SLC35F4: variants seen among roughly 807,000 people sequenced by gnomAD.
SLC35F4 encodes the protein chromosome 14 open reading frame 36.
Under a neutral mutation model 44.2 loss-of-function variants are expected in SLC35F4, and 24 were observed. The observed-to-expected ratio is 0.54, with a 90% CI of 0.39 to 0.76. The LOEUF (loss-of-function observed/expected upper bound fraction) is 0.76. Among genes scored for constraint, SLC35F4 ranks in the 30% least tolerant of loss-of-function variants. The pLI is 0.00. For missense variants in SLC35F4, 562 were observed against 586.1 expected, an observed-to-expected ratio of 0.96 and a Z score of 0.42; for synonymous variants, 238 against 223.6, an observed-to-expected ratio of 1.06 and a Z score of -0.57.
At chr14:57,728,304 A>G (rs1276507129) in intron 1 of SLC35F4, among the ~76,000 whole-genome samples, 2 of 152,214 alleles carry the variant, frequency 1.3e-5, no homozygotes, top group Admixed American at 6.5e-5. Context: ...CTTGTAGGCA[A>G]CAAAGCATTA....
intron 1 of SLC35F4, among the ~76,000 whole-genome samples, chr14:57,731,582 A>G (rs1394612866): frequency 1.3e-5 from 2 of 152,200 alleles, no homozygotes; most frequent in Non-Finnish European, 2.9e-5. Flanking sequence ...CAAGATTGTC[A>G]GGTAGTCAGT....
intron 6 of SLC35F4, among the ~76,000 whole-genome samples, chr14:57,568,549 G>A (rs2068319671): frequency 6.6e-6 from 1 of 152,172 alleles, no homozygotes; most frequent in Non-Finnish European, 1.5e-5. Context: ...TTTTGGCTTT[G>A]AAAAGTAGAA....
chr14:57,851,283 T>C (rs1886536819), intron 1 of SLC35F4, among the ~76,000 whole-genome samples: 1 of 152,192 alleles, frequency 6.6e-6, no homozygotes. Flanking sequence ...TATTATGAAA[T>C]TTAAAAATAG....
chr14:57,677,649 C>A (rs2074742328), intron 1 of SLC35F4, among the ~76,000 whole-genome samples: 1 of 151,782 alleles, frequency 6.6e-6, no homozygotes, highest in African/African-American at 2.4e-5. Flanking sequence ...TAAAAGGAAA[C>A]AAATGAGATG....
intron 1 of SLC35F4, among the ~76,000 whole-genome samples, chr14:57,780,590 T>G (rs1323783325): frequency 6.6e-6 from 1 of 152,108 alleles, no homozygotes; most frequent in Non-Finnish European, 1.5e-5. Context: ...AGAACTGTTT[T>G]AAAATTTCTA....
intron 1 of SLC35F4, among the ~76,000 whole-genome samples, chr14:57,623,464 T>C (rs951962372): frequency 3.9e-5 from 6 of 152,194 alleles, no homozygotes; most frequent in East Asian, 1.9e-4. Flanking sequence ...GCGGACCTAA[T>C]TGACATCTAG....
chr14:57,585,256 T>C (rs1228975570), intron 3 of SLC35F4, among the ~76,000 whole-genome samples: 2 of 152,124 alleles, frequency 1.3e-5, no homozygotes, highest in Admixed American at 6.5e-5. Context: ...ATTATCTCAA[T>C]AGATGCAGAA....
chr14:57,702,709 C>T (rs2075573209), intron 1 of SLC35F4, among the ~76,000 whole-genome samples: 1 of 152,120 alleles, frequency 6.6e-6, no homozygotes, highest in Admixed American at 6.6e-5. Context: ...ATTACAGCAC[C>T]AGCAGCACAC....
chr14:57,753,901 G>A (rs1364714468), intron 1 of SLC35F4, among the ~76,000 whole-genome samples: 1 of 151,962 alleles, frequency 6.6e-6, no homozygotes, highest in African/African-American at 2.4e-5. Context: ...CTATATGATT[G>A]GTGTCTGAGC....
intron 2 of SLC35F4, among the ~76,000 whole-genome samples, chr14:57,590,392 C>G (rs1398450763): frequency 6.6e-6 from 1 of 151,770 alleles, no homozygotes; most frequent in Non-Finnish European, 1.5e-5. Flanking sequence ...GACCCAGTCT[C>G]TAAAAAAAAT....
intron 1 of SLC35F4, among the ~76,000 whole-genome samples, chr14:57,726,938 C>T (rs751295562): frequency 1.2e-4 from 19 of 152,004 alleles, no homozygotes; most frequent in African/African-American, 4.3e-4. Flanking sequence ...CACAAAAAGG[C>T]TAGACTGGCC....
chr14:57,565,169 T>C lies in SLC35F4; in HGVS notation c.1217-793A>G, dbSNP rs553648823. Among the ~76,000 whole-genome samples the C allele has an allele frequency of 2.0e-5, 3 of 152,370 alleles. No homozygotes were observed. In the East Asian group the frequency reaches 5.8e-4, roughly 29 times the overall value. The stretch of plus-strand genomic sequence containing the variant: ...TTTAGGCTTCTCTACCTTTTTGCTA[T>C]TGTGAATAGGGCTACTATAAACATT... On this transcript the variant is annotated intron_variant, in intron 7 of 7. Coordinates refer to ENST00000556826, the MANE Select transcript of SLC35F4 (RefSeq NM_001306087.2).
At chr14:57,713,962 T>C (rs1211321169) in intron 1 of SLC35F4, among the ~76,000 whole-genome samples, 1 of 152,138 alleles carries the variant, frequency 6.6e-6, no homozygotes, top group Non-Finnish European at 1.5e-5. Flanking sequence ...AACCTACAAT[T>C]TCTAACCACA....
intron 1 of SLC35F4, among the ~76,000 whole-genome samples, chr14:57,715,545 G>A (rs1344070913): frequency 6.6e-6 from 1 of 152,160 alleles, no homozygotes; most frequent in Non-Finnish European, 1.5e-5. Context: ...GAAGGGAGGG[G>A]TCCTTGACAA....
chr14:57,951,626 T>G (rs935805010), intron 1 of SLC35F4, among the ~76,000 whole-genome samples: 1 of 152,128 alleles, frequency 6.6e-6, no homozygotes, highest in Admixed American at 6.5e-5. Flanking sequence ...TACTGAGGCT[T>G]GAATAGGCGG....
chr14:57,589,587 A>C, intron 2 of SLC35F4, 74 bp from the exon 3 acceptor site: 2 of 1,404,122 alleles, frequency 1.4e-6, no homozygotes, highest in South Asian at 3.0e-5. Flanking sequence ...CAGCTCCTTA[A>C]AAAAGATGGA....
chr14:57,978,069 G>A (rs1237530481), intron 1 of SLC35F4, among the ~76,000 whole-genome samples: 4 of 152,118 alleles, frequency 2.6e-5, no homozygotes, highest in Non-Finnish European at 4.4e-5. Context: ...TCTTTGTATC[G>A]TGCATTCATG....
intron 1 of SLC35F4, among the ~76,000 whole-genome samples, chr14:57,809,609 G>A (rs549004064): frequency 2.6e-5 from 4 of 152,274 alleles, no homozygotes; most frequent in Admixed American, 6.5e-5. Context: ...TAGGTTTTCA[G>A]GTTCTTGATT....
intron 1 of SLC35F4, among the ~76,000 whole-genome samples, chr14:57,751,014 G>A (rs147766864): frequency 5.9e-5 from 9 of 152,080 alleles, no homozygotes; most frequent in East Asian, 3.9e-4. Context: ...TCTAGCACAC[G>A]TTACTTACAG....
Sources: allele counts gnomAD v4.1 joint callset (sites outside exome capture counted in the v4.1 genomes callset), GRCh38; gene constraint gnomAD v4.1.1; transcripts MANE v1.5; gene names NCBI Gene and HGNC (gene_info 2026-07-23, HGNC 2026-07-21).